ARHGEF3: variants seen among roughly 807,000 people sequenced by gnomAD.
ARHGEF3 encodes 59.8 kDA protein.
Under a neutral mutation model 63.2 loss-of-function variants are expected in ARHGEF3, and 28 were observed. The observed-to-expected ratio is 0.44, with a 90% CI of 0.33 to 0.61. The LOEUF (loss-of-function observed/expected upper bound fraction) is 0.61, where lower values mean the gene tolerates loss of function less well. Among genes scored for constraint, ARHGEF3 ranks in the 20% least tolerant of loss-of-function variants. ARHGEF3 has a pLI of 0.03. For missense variants in ARHGEF3, 533 were observed against 659.3 expected (o/e 0.81, Z 2.10); for synonymous variants, 266 against 254.2 (o/e 1.05, Z -0.44).
At chr3:56,949,309 C>G (rs78470877) in intron 3 of ARHGEF3, among the ~76,000 whole-genome samples, 18,077 of 151,210 alleles carry the variant, frequency 0.12, 1,499 homozygotes, top group Admixed American at 0.26. Flanking sequence ...GAAATAAAGG[C>G]TATTCAATTA....
intron 4 of ARHGEF3, among the ~76,000 whole-genome samples, chr3:56,872,354 G>A (rs967958213): frequency 6.6e-6 from 1 of 152,018 alleles, no homozygotes; most frequent in African/African-American, 2.4e-5. Flanking sequence ...AAACATATAG[G>A]AGCATAACGT....
chr3:56,878,153 G>A lies in ARHGEF3; in HGVS notation c.192+4139C>T, dbSNP rs1473343662. ...AATGTCTGGTGCTGAGCTGTGCTCT[G>A]CAGCAGGAGCTCTGGCACCAAGGGC... On this transcript the variant is annotated intron_variant, in intron 4 of 12. Transcript: ENST00000338458. Among the ~76,000 whole-genome samples, 6 of 152,280 alleles carry A rather than the reference G, an allele frequency of 3.9e-5. No individual in the cohort carries two copies. The South Asian group carries it at 1.0e-3, about 26-fold the overall frequency.
At position 56,799,589 on chromosome 3, in the gene ARHGEF3, C is replaced by A. The variant is rs186610386; in HGVS notation, c.96+2114G>T. The stretch of plus-strand genomic sequence containing the variant: ...TCATGTTTTTCAAAAGGCTGACAAG[C>A]GAATGCTATTTTTTAATTTATGAAT... On this transcript the variant is annotated intron_variant, in intron 1 of 9. Transcript: ENST00000296315. Among the ~76,000 whole-genome samples, 40 of 152,254 alleles carry A rather than the reference C, an allele frequency of 2.6e-4. No homozygotes were observed. In the East Asian group the frequency reaches 7.3e-3, roughly 28 times the overall value.
chr3:57,069,537 A>G (rs1379266488), intron 1 of ARHGEF3, among the ~76,000 whole-genome samples: 5 of 152,230 alleles, frequency 3.3e-5, no homozygotes, highest in African/African-American at 1.2e-4. Context: ...TGATACAAAT[A>G]TAGGCACTCC....
intron 2 of ARHGEF3, among the ~76,000 whole-genome samples, chr3:57,026,809 C>T (rs904343073): frequency 3.3e-5 from 5 of 152,210 alleles, no homozygotes; most frequent in African/African-American, 1.2e-4. Flanking sequence ...CGATTGTGCA[C>T]TAGGTGCCAG....
rs996039632 is a variant in ARHGEF3 at position 56,916,315 on chromosome 3, A to G, written c.130-33961T>C. On this transcript the variant is annotated intron_variant, in intron 3 of 12. Transcript: ENST00000338458. Reference sequence around the variant, plus strand: ...TCAGCAGCAGGGGGCTTACCTGCGAACGGACAAAGAGGCAGCACCACACCA... The same window carrying G: ...TCAGCAGCAGGGGGCTTACCTGCGAGCGGACAAAGAGGCAGCACCACACCA... 18 of 1,535,360 alleles carry G rather than the reference A, an allele frequency of 1.2e-5. No individual in the cohort carries two copies. In the African/African-American group the frequency reaches 1.8e-4, roughly 15 times the overall value.
intron 2 of ARHGEF3, among the ~76,000 whole-genome samples, chr3:57,008,301 C>G (rs1211079616): frequency 6.6e-6 from 1 of 152,124 alleles, no homozygotes; most frequent in Non-Finnish European, 1.5e-5. Context: ...ACCACGCTCA[C>G]GCTTCCTGGG....
intron 1 of ARHGEF3, among the ~76,000 whole-genome samples, chr3:57,052,705 C>A (rs1704727176): frequency 6.6e-6 from 1 of 152,160 alleles, no homozygotes; most frequent in Non-Finnish European, 1.5e-5. Flanking sequence ...ATAAAATTCA[C>A]AGTATGCTTG....
chr3:56,969,439 G>C (rs1016596240), intron 2 of ARHGEF3, among the ~76,000 whole-genome samples: 1 of 152,088 alleles, frequency 6.6e-6, no homozygotes, highest in African/African-American at 2.4e-5. Context: ...GTAGCAATGT[G>C]TCTGGCACAT....
At chr3:56,789,399 T>C (rs1416949255) in intron 1 of ARHGEF3, among the ~76,000 whole-genome samples, 7 of 152,246 alleles carry the variant, frequency 4.6e-5, no homozygotes, top group African/African-American at 1.4e-4. Flanking sequence ...CTTTGACGCT[T>C]TGAAAAGAAA....
intron 3 of ARHGEF3, among the ~76,000 whole-genome samples, chr3:56,945,775 G>C (rs1472960194): frequency 1.3e-5 from 2 of 152,190 alleles, no homozygotes; most frequent in East Asian, 1.9e-4. Context: ...GCTTTGAAGA[G>C]AGTAGTGGTT....
intron 3 of ARHGEF3, among the ~76,000 whole-genome samples, chr3:56,937,647 C>T (rs756267232): frequency 1.3e-5 from 2 of 152,184 alleles, no homozygotes; most frequent in Non-Finnish European, 2.9e-5. Context: ...CTCCTCCCTG[C>T]TAGAACAAGT....
At chr3:57,033,708 T>C (rs1703830371) in intron 2 of ARHGEF3, among the ~76,000 whole-genome samples, 1 of 152,106 alleles carries the variant, frequency 6.6e-6, no homozygotes, top group South Asian at 2.1e-4. Flanking sequence ...GGGATTTCAT[T>C]TGTATTTTTA....
intron 3 of ARHGEF3, among the ~76,000 whole-genome samples, chr3:56,920,986 C>T (rs12630245): frequency 0.96 from 143,087 of 148,918 alleles, 68,973 homozygotes; most frequent in East Asian, 1. Flanking sequence ...ACCTGGGAGG[C>T]GGAGCTTGCA....
intron 3 of ARHGEF3, among the ~76,000 whole-genome samples, chr3:56,900,217 TAAC>T (rs2041458648): frequency 6.6e-6 from 1 of 152,256 alleles, no homozygotes; most frequent in Admixed American, 6.5e-5. Flanking sequence ...GGATGTGTTA[TAAC>T]AACAGGTATT....
intron 2 of ARHGEF3, among the ~76,000 whole-genome samples, chr3:56,978,172 T>G (rs1165568974): frequency 6.6e-6 from 1 of 152,256 alleles, no homozygotes; most frequent in Non-Finnish European, 1.5e-5. Context: ...TACCTTTATT[T>G]GACAAAGATG....
intron 1 of ARHGEF3, among the ~76,000 whole-genome samples, chr3:56,798,968 TAACA>T (rs930476095): frequency 2.0e-4 from 31 of 152,206 alleles, no homozygotes; most frequent in Non-Finnish European, 4.1e-4. Flanking sequence ...AGTATTATAC[TAACA>T]GACATGCAAT....
intron 4 of ARHGEF3, among the ~76,000 whole-genome samples, chr3:56,854,709 C>T (rs1322446963): frequency 1.3e-5 from 2 of 149,472 alleles, no homozygotes; most frequent in Non-Finnish European, 3.0e-5. Context: ...CATGATGCCA[C>T]CCCAGCTTCT....
chr3:56,754,792 G>C (rs1021469523), intron 3 of ARHGEF3, among the ~76,000 whole-genome samples, 189 bp downstream of exon 3: 1 of 152,092 alleles, frequency 6.6e-6, no homozygotes, highest in African/African-American at 2.4e-5. Context: ...TTTTTAAAGT[G>C]GGGGCCACAC....
Sources: allele counts gnomAD v4.1 joint callset (sites outside exome capture counted in the v4.1 genomes callset), GRCh38; gene constraint gnomAD v4.1.1; transcripts MANE v1.5; gene names NCBI Gene and HGNC (gene_info 2026-07-23, HGNC 2026-07-21).